TMEM132D: variants seen among roughly 807,000 people sequenced by gnomAD.
TMEM132D encodes transmembrane protein 132D, also known as mature OL transmembrane protein.
Under a neutral mutation model 62.3 loss-of-function variants are expected in TMEM132D, and 21 were observed. The ratio of observed to expected loss-of-function variants is 0.34; its 90% CI spans 0.24 to 0.49. The LOEUF (loss-of-function observed/expected upper bound fraction) is 0.49. Ranked by LOEUF, TMEM132D falls within the 20% of genes least tolerant of loss-of-function variation. The probability of loss-of-function intolerance (pLI) is 0.99; values close to 1 mark genes in which losing one functional copy is unlikely to be tolerated. For missense variants in TMEM132D, 1,346 were observed against 1,402.8 expected (o/e 0.96, Z 0.65); for synonymous variants, 621 against 575.6 (o/e 1.08, Z -1.13).
chr12:129,602,177 A>G (rs1878498202), intron 2 of TMEM132D, among the ~76,000 whole-genome samples: 1 of 152,180 alleles, frequency 6.6e-6, no homozygotes, highest in Non-Finnish European at 1.5e-5. Context: ...AAAGACCATC[A>G]GGTAGAAAAG....
chr12:129,138,594 A>T (rs1876652095), intron 5 of TMEM132D, among the ~76,000 whole-genome samples: 1 of 152,010 alleles, frequency 6.6e-6, no homozygotes, highest in Non-Finnish European at 1.5e-5. Flanking sequence ...GGTGGCAGGC[A>T]CCTGTAATTG....
chr12:129,872,888 G>A (rs965220328), intron 1 of TMEM132D, among the ~76,000 whole-genome samples: 7 of 152,200 alleles, frequency 4.6e-5, no homozygotes, highest in African/African-American at 1.7e-4. Flanking sequence ...AAATGATGCT[G>A]TTCATACTTC....
At chr12:129,105,465 G>A (rs1221665146) in intron 5 of TMEM132D, among the ~76,000 whole-genome samples, 1 of 142,970 alleles carries the variant, frequency 7.0e-6, no homozygotes, top group Non-Finnish European at 1.5e-5. Context: ...AGTGGGTGCA[G>A]CGCACCAGCA....
intron 1 of TMEM132D, among the ~76,000 whole-genome samples, chr12:129,901,437 G>A (rs1486922020): frequency 6.6e-6 from 1 of 152,120 alleles, no homozygotes; most frequent in Non-Finnish European, 1.5e-5. Flanking sequence ...CATCTACCAT[G>A]TGCTCAGACT....
intron 5 of TMEM132D, among the ~76,000 whole-genome samples, chr12:129,163,976 G>C (rs1347731563): frequency 6.6e-6 from 1 of 152,210 alleles, no homozygotes; most frequent in African/African-American, 2.4e-5. Flanking sequence ...TCTTTTCTTT[G>C]TTCAAGTGCG....
chr12:129,115,094 C>A (rs897810272), intron 5 of TMEM132D, among the ~76,000 whole-genome samples: 3 of 152,196 alleles, frequency 2.0e-5, no homozygotes, highest in African/African-American at 7.2e-5. Flanking sequence ...TTCACTCAAG[C>A]TGCTTTATTT....
intron 1 of TMEM132D, among the ~76,000 whole-genome samples, chr12:129,887,191 ACTGG>A (rs1295925170): frequency 1.3e-5 from 2 of 152,150 alleles, no homozygotes; most frequent in Admixed American, 1.3e-4. Flanking sequence ...TAAAAACAGC[ACTGG>A]CAGGAGGAGA....
At chr12:129,696,279 T>C (rs551317869) in intron 2 of TMEM132D, among the ~76,000 whole-genome samples, 1 of 152,360 alleles carries the variant, frequency 6.6e-6, no homozygotes. Flanking sequence ...TCCTTAGTAA[T>C]GTCTCATTCC....
Position 129,337,617 on chromosome 12 carries a change from G to A in TMEM132D, c.1299+17C>T, listed in dbSNP as rs770494771. The stretch of plus-strand genomic sequence containing the variant: ...CCCCGAGTTCAGTTCTAACAGCCCA[G>A]GGCGGGGCTTGCTTACCATAGCCAG... On this transcript the variant is annotated intron_variant, in intron 4 of 8. Coordinates refer to ENST00000422113, the MANE Select transcript of TMEM132D (RefSeq NM_133448.3). 2.4e-5 allele frequency: 38 copies of A among 1,613,190 alleles called. No homozygotes were observed. Among genetic ancestry groups the A allele is most frequent in the Non-Finnish European group, 3.1e-5 (37 of 1,179,612 alleles).
chr12:129,849,426 A>C (rs972771930), intron 1 of TMEM132D, among the ~76,000 whole-genome samples: 12 of 152,228 alleles, frequency 7.9e-5, no homozygotes, highest in African/African-American at 2.9e-4. Context: ...CTGAAAATAA[A>C]AGCCTTGAGA....
intron 2 of TMEM132D, among the ~76,000 whole-genome samples, chr12:129,600,014 G>C (rs1377803285): frequency 6.6e-6 from 1 of 152,126 alleles, no homozygotes; most frequent in Non-Finnish European, 1.5e-5. Flanking sequence ...TGCATCAATG[G>C]ACTCGTCTTT....
At chr12:129,582,623 C>CTA (rs34280500) in intron 2 of TMEM132D, among the ~76,000 whole-genome samples, 1 of 146,174 alleles carries the variant, frequency 6.8e-6, no homozygotes, top group African/African-American at 2.5e-5. Flanking sequence ...TTCTTTCTTT[C>CTA]TTTTTTTTTT....
intron 3 of TMEM132D, among the ~76,000 whole-genome samples, chr12:129,407,407 A>T (rs1871824822): frequency 6.6e-6 from 1 of 152,200 alleles, no homozygotes; most frequent in Non-Finnish European, 1.5e-5. Context: ...GTCTCTGGGA[A>T]GCCTAGAGGA....
Position 129,391,224 on chromosome 12 carries a change from T to C in TMEM132D, c.1116-53407A>G, listed in dbSNP as rs189132915. 2.3e-3 allele frequency among the ~76,000 whole-genome samples: 352 copies of C among 152,316 alleles called. 2 individuals are homozygous for C. Among genetic ancestry groups the C allele is most frequent in the African/African-American group, 7.8e-3 (323 of 41,576 alleles). ...CACGATGATAACAATAAGGAAATAA[T>C]AATAAAATGATCAACAGATCACATT... is the stretch of plus-strand genomic sequence containing the variant. On this transcript the variant is annotated intron_variant, in intron 3 of 8. Transcript: ENST00000422113.
At chr12:129,680,346 G>A (rs1406095661) in intron 2 of TMEM132D, among the ~76,000 whole-genome samples, 1 of 152,132 alleles carries the variant, frequency 6.6e-6, no homozygotes, top group Non-Finnish European at 1.5e-5. Flanking sequence ...AAAGGGAAAA[G>A]AAATATAAAA....
intron 3 of TMEM132D, among the ~76,000 whole-genome samples, chr12:129,460,852 G>A (rs1055224655): frequency 2.0e-5 from 3 of 152,082 alleles, no homozygotes; most frequent in African/African-American, 7.2e-5. Context: ...GGCACTGATG[G>A]GCACCTTCAT....
chr12:129,803,572 C>A (rs1871871407), intron 1 of TMEM132D, among the ~76,000 whole-genome samples: 1 of 149,208 alleles, frequency 6.7e-6, no homozygotes, highest in Admixed American at 6.7e-5. Flanking sequence ...CACTAAATGC[C>A]CACAAGAGAA....
At chr12:129,164,094 T>A (rs2135542625) in intron 5 of TMEM132D, among the ~76,000 whole-genome samples, 1 of 152,284 alleles carries the variant, frequency 6.6e-6, no homozygotes, top group East Asian at 1.9e-4. Context: ...CAGCTCGATT[T>A]ATATGCAAAT....
At chr12:129,725,798 T>C (rs1222674721) in intron 1 of TMEM132D, among the ~76,000 whole-genome samples, 1 of 152,242 alleles carries the variant, frequency 6.6e-6, no homozygotes, top group Non-Finnish European at 1.5e-5. Context: ...ACTGCTTTCC[T>C]TGGAAAGGCT....
Sources: gnomAD v4.1 joint callset for allele counts (sites outside exome capture counted in the v4.1 genomes callset) on GRCh38, gnomAD v4.1.1 for gene constraint, MANE v1.5 for transcripts, NCBI Gene and HGNC (gene_info 2026-07-23, HGNC 2026-07-21) for gene names.